Variants in ADAMTS12 observed in about 807,000 individuals in gnomAD.
The protein encoded by ADAMTS12 is A disintegrin and metalloproteinase with thrombospondin motifs 12.
In ADAMTS12, 118 loss-of-function variants were observed where a neutral mutation model predicts 167.8. The observed-to-expected ratio is 0.70, with a 90% CI of 0.61 to 0.82. ADAMTS12 has a LOEUF of 0.82. Among genes scored for constraint, ADAMTS12 ranks in the 40% least tolerant of loss-of-function variants. ADAMTS12 has a pLI of 0.00. For synonymous variants in ADAMTS12, 704 were observed against 716.9 expected (o/e 0.98, Z 0.29); for missense variants, 1,916 against 1,998.8 (o/e 0.96, Z 0.79).
At chr5:33,885,848 T>A (rs147100651) in intron 1 of ADAMTS12, among the ~76,000 whole-genome samples, 1 of 151,818 alleles carries the variant, frequency 6.6e-6, no homozygotes. Flanking sequence ...TCAACAGGAG[T>A]GTTAGCAGGA....
At chr5:33,686,047 G>A (rs1162609162) in intron 3 of ADAMTS12, among the ~76,000 whole-genome samples, 1 of 152,158 alleles carries the variant, frequency 6.6e-6, no homozygotes, top group African/African-American at 2.4e-5. Flanking sequence ...CATGGATTCG[G>A]TCTCATCTTT....
intron 2 of ADAMTS12, among the ~76,000 whole-genome samples, chr5:33,869,541 G>C (rs1749958215): frequency 1.3e-5 from 2 of 152,100 alleles, no homozygotes. Flanking sequence ...GGGTGTCCAG[G>C]GGAGACATCA....
At chr5:33,662,174 G>T in intron 5 of ADAMTS12, 134 bp from the exon 6 acceptor site, 4 of 1,149,510 alleles carry the variant, frequency 3.5e-6, no homozygotes, top group East Asian at 2.6e-5. Flanking sequence ...TGGCAGTCAT[G>T]TGGCAGAGGC....
intron 2 of ADAMTS12, among the ~76,000 whole-genome samples, chr5:33,759,249 C>T (rs1288883606): frequency 6.6e-6 from 1 of 152,224 alleles, no homozygotes; most frequent in Non-Finnish European, 1.5e-5. Context: ...CTTCAACAGA[C>T]TTCATTTCCA....
intron 2 of ADAMTS12, among the ~76,000 whole-genome samples, chr5:33,818,836 G>A (rs1312423052): frequency 1.3e-5 from 2 of 152,062 alleles, no homozygotes; most frequent in African/African-American, 4.8e-5. Context: ...TTGATGATTA[G>A]TGATGTTCAG....
chr5:33,616,640 G>A (rs1320767969), intron 14 of ADAMTS12, among the ~76,000 whole-genome samples: 1 of 152,154 alleles, frequency 6.6e-6, no homozygotes, highest in African/African-American at 2.4e-5. Flanking sequence ...ACTCAACTCT[G>A]AGTACAGCCT....
chr5:33,614,174 T>C, intron 16 of ADAMTS12, 64 bp downstream of exon 16: 1 of 1,574,432 alleles, frequency 6.4e-7, no homozygotes, highest in Non-Finnish European at 8.6e-7. Flanking sequence ...ATCACTGGTG[T>C]AATCACCTCT....
intron 2 of ADAMTS12, among the ~76,000 whole-genome samples, chr5:33,866,622 T>C (rs1749832729): frequency 6.6e-6 from 1 of 152,088 alleles, no homozygotes; most frequent in African/African-American, 2.4e-5. Context: ...AAATGGCTTC[T>C]GCATAGCAAA....
intron 3 of ADAMTS12, among the ~76,000 whole-genome samples, chr5:33,745,009 T>C (rs1003128370): frequency 2.0e-5 from 3 of 152,162 alleles, no homozygotes; most frequent in Non-Finnish European, 4.4e-5. Flanking sequence ...GTAAAGATGA[T>C]GTCTTGCTAT....
intron 19 of ADAMTS12, among the ~76,000 whole-genome samples, chr5:33,563,818 T>G (rs1221875240): frequency 6.6e-6 from 1 of 152,212 alleles, no homozygotes; most frequent in Non-Finnish European, 1.5e-5. Flanking sequence ...ACTTCCTATG[T>G]GCCCGACACT....
At chr5:33,596,502 T>C (rs141349198) in intron 16 of ADAMTS12, among the ~76,000 whole-genome samples, 3,093 of 152,136 alleles carry the variant, frequency 0.02, 112 homozygotes, top group African/African-American at 0.071. Flanking sequence ...GCCAAAATGG[T>C]GAAACCCCAT....
chr5:33,879,898 C>T (rs888951162), intron 2 of ADAMTS12, among the ~76,000 whole-genome samples: 1 of 152,218 alleles, frequency 6.6e-6, no homozygotes, highest in Non-Finnish European at 1.5e-5. Context: ...GGAACAAGTG[C>T]CTTTTGTAGG....
At position 33,526,834 on chromosome 5, in the gene ADAMTS12, T is replaced by A. The variant is rs1295118250; in HGVS notation, c.*354A>T. ...CCTGGGTAAGTGTTGCCTGATACTC[T>A]TGAGGTAGTCAGGGAAATAGCTGGT... On this transcript the variant is annotated 3_prime_UTR_variant, in exon 24 of 24. Coordinates refer to ENST00000504830, the MANE Select transcript of ADAMTS12 (RefSeq NM_030955.4). 1 of 188,878 alleles carries A rather than the reference T, an allele frequency of 5.3e-6. No individual in the cohort carries two copies. Among genetic ancestry groups the A allele is most frequent in the Non-Finnish European group, 1.1e-5 (1 of 91,606 alleles). 11.7% of individuals were successfully genotyped at this position (188,878 alleles called of 1,614,324 possible).
In ADAMTS12 at chr5:33,649,685, C is replaced by A. The variant is rs1202476154; in HGVS notation, c.1203G>T (p.Gln401His). ...CACAGTCATTTTCTTTCCCATCATG[C>A]TGGATGCCGAAGCTGGCAGGGAAGA... ...AHELGHSFGI[Q>H]HDGKENDCEP... Residue 401 changes from glutamine to histidine, a missense_variant, in exon 8 of 24, where the codon CAG becomes CAT. By Grantham distance (24) the Gln-to-His change is conservative. Transcript: ENST00000504830. The A allele has an allele frequency of 1.2e-6, 2 of 1,613,620 alleles. No homozygotes were observed. The highest frequency in any genetic ancestry group is 3.3e-5 in the Admixed American group (2 of 59,996).
chr5:33,880,000 A>T lies in ADAMTS12; in HGVS notation c.489+1119T>A, dbSNP rs992762860. On this transcript the variant is annotated intron_variant, in intron 2 of 23. Transcript: ENST00000504830. Reference sequence around the variant, plus strand: ...ACGGACTCCTCCATAACCACTTTCGAGACTCTGGGATTCCTTCCCCTGCAG... The same window carrying T: ...ACGGACTCCTCCATAACCACTTTCGTGACTCTGGGATTCCTTCCCCTGCAG... Among the ~76,000 whole-genome samples the T allele has an allele frequency of 2.6e-5, 4 of 152,334 alleles. No homozygotes were observed. In the Middle Eastern group the frequency reaches 0.01, roughly 389 times the overall value.
intron 23 of ADAMTS12, among the ~76,000 whole-genome samples, chr5:33,529,085 G>A (rs981585326): frequency 5.3e-5 from 8 of 152,192 alleles, no homozygotes; most frequent in African/African-American, 1.9e-4. Context: ...TGCTTCCAGA[G>A]TGAGTGAGGG....
At chr5:33,682,192 A>G (rs574894360) in intron 5 of ADAMTS12, among the ~76,000 whole-genome samples, 34 of 152,366 alleles carry the variant, frequency 2.2e-4, no homozygotes, top group African/African-American at 8.2e-4. Flanking sequence ...TGTGGAAGAT[A>G]TGAAAAAAGG....
Position 33,836,258 on chromosome 5 carries a change from G to A in ADAMTS12, c.489+44861C>T, listed in dbSNP as rs189225816. Among the ~76,000 whole-genome samples, 34 of 152,216 alleles carry A rather than the reference G, an allele frequency of 2.2e-4. 1 individual carries two copies. The East Asian group carries it at 5.0e-3, about 23-fold the overall frequency. On this transcript the variant is annotated intron_variant, in intron 2 of 23. Transcript: ENST00000504830. The stretch of plus-strand genomic sequence containing the variant: ...CAAAAGACTTCCTCAGCCTGAAGGA[G>A]GGGGCCGGGCCAATTTGGAATGACT...
chr5:33,864,326 A>C (rs1749728792), intron 2 of ADAMTS12, among the ~76,000 whole-genome samples: 1 of 152,226 alleles, frequency 6.6e-6, no homozygotes, highest in South Asian at 2.1e-4. Flanking sequence ...ATCATTAAAA[A>C]GTCAGGAAAC....
Sources: allele counts gnomAD v4.1 joint callset (sites outside exome capture counted in the v4.1 genomes callset), GRCh38; gene constraint gnomAD v4.1.1; transcripts MANE v1.5; gene names NCBI Gene and HGNC (gene_info 2026-07-23, HGNC 2026-07-21).